Variants in ANKS1B observed in about 807,000 individuals in gnomAD.
ANKS1B encodes the protein ankyrin repeat and sterile alpha motif domain containing 1B.
A neutral mutation model predicts 148.3 loss-of-function variants in ANKS1B; 36 were observed. That is an observed-to-expected ratio of 0.24 (90% CI 0.19 to 0.32). The LOEUF is 0.32. ANKS1B is among the 10% of genes least tolerant of loss of function. The pLI, the probability that ANKS1B is intolerant of heterozygous loss-of-function variation, is 1.00. For missense variants in ANKS1B, 1,157 were observed against 1,542.6 expected (o/e 0.75, Z 4.19); for synonymous variants, 542 against 560.8 (o/e 0.97, Z 0.47).
chr12:99,558,213 C>T (rs1280592376), intron 9 of ANKS1B, among the ~76,000 whole-genome samples: 1 of 152,068 alleles, frequency 6.6e-6, no homozygotes, highest in Non-Finnish European at 1.5e-5. Context: ...TATGCATGCT[C>T]ACATTGGTGA....
chr12:99,143,069 T>C (rs2071552468), intron 15 of ANKS1B, among the ~76,000 whole-genome samples: 1 of 152,126 alleles, frequency 6.6e-6, no homozygotes. Flanking sequence ...GATTTCAAGA[T>C]CTCCCTTAAG....
intron 17 of ANKS1B, among the ~76,000 whole-genome samples, chr12:99,029,607 G>A (rs537361873): frequency 6.6e-6 from 1 of 152,212 alleles, no homozygotes; most frequent in Non-Finnish European, 1.5e-5. Flanking sequence ...ACATAGACTG[G>A]AGGAAGCCTC....
At chr12:99,667,610 T>C (rs59788103) in intron 8 of ANKS1B, among the ~76,000 whole-genome samples, 3,268 of 152,248 alleles carry the variant, frequency 0.021, 127 homozygotes, top group African/African-American at 0.075. Flanking sequence ...CTGGCCAGAA[T>C]TGCCAGTACA....
At chr12:99,378,689 A>G (rs971398375) in intron 12 of ANKS1B, among the ~76,000 whole-genome samples, 1 of 151,750 alleles carries the variant, frequency 6.6e-6, no homozygotes, top group Non-Finnish European at 1.5e-5. Context: ...AGAAAAGAAA[A>G]AGAGACAGTA....
intron 12 of ANKS1B, among the ~76,000 whole-genome samples, chr12:99,276,736 G>T (rs936330099): frequency 1.3e-5 from 2 of 152,114 alleles, no homozygotes; most frequent in Non-Finnish European, 2.9e-5. Flanking sequence ...TCTGACGATG[G>T]AATCAGACAT....
At chr12:98,923,933 T>G (rs1402311494) in intron 17 of ANKS1B, among the ~76,000 whole-genome samples, 1 of 152,186 alleles carries the variant, frequency 6.6e-6, no homozygotes, top group African/African-American at 2.4e-5. Flanking sequence ...ACCAAAGAAG[T>G]GATTTCTTTC....
intron 17 of ANKS1B, among the ~76,000 whole-genome samples, chr12:98,927,498 G>T (rs937113500): frequency 1.2e-4 from 18 of 151,862 alleles, no homozygotes; most frequent in Non-Finnish European, 2.4e-4. Flanking sequence ...TTTAAAAGAC[G>T]AATGCAAAGC....
intron 11 of ANKS1B, among the ~76,000 whole-genome samples, 190 bp from the exon 12 acceptor site, chr12:99,400,001 A>G (rs2094358061): frequency 6.6e-6 from 1 of 152,182 alleles, no homozygotes; most frequent in African/African-American, 2.4e-5. Context: ...AAATTATTTA[A>G]TGAGAAAATA....
At chr12:99,333,036 A>T (rs940189992) in intron 12 of ANKS1B, among the ~76,000 whole-genome samples, 1 of 152,102 alleles carries the variant, frequency 6.6e-6, no homozygotes, top group African/African-American at 2.4e-5. Flanking sequence ...CAATAACAAG[A>T]TCACGTTTGT....
At chr12:99,653,310 T>G (rs147587700) in intron 9 of ANKS1B, among the ~76,000 whole-genome samples, 191 of 152,346 alleles carry the variant, frequency 1.3e-3, no homozygotes, top group African/African-American at 4.5e-3. Flanking sequence ...ACCCTGATTA[T>G]TTTATTTCAG....
intron 25 of ANKS1B, among the ~76,000 whole-genome samples, chr12:98,758,141 G>T (rs1396552495): frequency 6.6e-6 from 1 of 151,890 alleles, no homozygotes; most frequent in Non-Finnish European, 1.5e-5. Flanking sequence ...TTACTATGTG[G>T]CCATGCACCA....
At chr12:99,021,251 G>A (rs1482762543) in intron 17 of ANKS1B, among the ~76,000 whole-genome samples, 1 of 151,908 alleles carries the variant, frequency 6.6e-6, no homozygotes, top group Non-Finnish European at 1.5e-5. Flanking sequence ...TATTGACTTG[G>A]GAGAGTTTTT....
At chr12:99,138,867 TA>T (rs1390751441) in intron 15 of ANKS1B, among the ~76,000 whole-genome samples, 4 of 152,142 alleles carry the variant, frequency 2.6e-5, no homozygotes, top group Non-Finnish European at 5.9e-5. Context: ...AGCTCATAGA[TA>T]TCTCTTCCAT....
intron 14 of ANKS1B, among the ~76,000 whole-genome samples, chr12:99,194,047 G>A (rs992644042): frequency 2.6e-5 from 4 of 151,680 alleles, no homozygotes; most frequent in African/African-American, 7.3e-5. Context: ...TGATCCGCCC[G>A]CCTCAGCCTC....
intron 14 of ANKS1B, among the ~76,000 whole-genome samples, chr12:99,184,489 A>T (rs1009270618): frequency 2.6e-5 from 4 of 152,196 alleles, no homozygotes; most frequent in African/African-American, 9.6e-5. Flanking sequence ...AGAGTTAGAG[A>T]TCTAGATTCC....
At chr12:99,008,453 C>T (rs991167962) in intron 17 of ANKS1B, among the ~76,000 whole-genome samples, 1 of 152,140 alleles carries the variant, frequency 6.6e-6, no homozygotes, top group African/African-American at 2.4e-5. Flanking sequence ...AGATAGGGAA[C>T]AATTTTAGTT....
chr12:99,909,806 C>T (rs2093933705), intron 1 of ANKS1B, among the ~76,000 whole-genome samples: 1 of 151,860 alleles, frequency 6.6e-6, no homozygotes, highest in South Asian at 2.1e-4. Flanking sequence ...GTCATAGTTC[C>T]CTTTCTTTTT....
intron 12 of ANKS1B, among the ~76,000 whole-genome samples, chr12:99,366,666 T>C (rs1451743673): frequency 6.6e-6 from 1 of 152,098 alleles, no homozygotes; most frequent in Non-Finnish European, 1.5e-5. Context: ...GTAAAAAAAA[T>C]TGAATTCTAT....
intron 1 of ANKS1B, among the ~76,000 whole-genome samples, chr12:99,834,281 A>C (rs545897393): frequency 6.6e-6 from 1 of 152,338 alleles, no homozygotes; most frequent in South Asian, 2.1e-4. Context: ...GAAAAAGTAT[A>C]AAATGCTTAT....
Sources: gnomAD v4.1 joint callset for allele counts (sites outside exome capture counted in the v4.1 genomes callset) on GRCh38, gnomAD v4.1.1 for gene constraint, MANE v1.5 for transcripts, NCBI Gene and HGNC (gene_info 2026-07-23, HGNC 2026-07-21) for gene names.